PADI2: variants seen among roughly 807,000 people sequenced by gnomAD.
PADI2 encodes peptidyl arginine deiminase 2, also known as protein-arginine deiminase type-2.
A neutral mutation model predicts 81.1 loss-of-function variants in PADI2; 70 were observed. The ratio of observed to expected loss-of-function variants is 0.86; its 90% confidence interval spans 0.71 to 1.05. PADI2 has a LOEUF of 1.05. Among genes scored for constraint, PADI2 ranks in the 50% least tolerant of loss-of-function variants. PADI2 has a pLI of 0.00. For synonymous variants in PADI2, 338 were observed against 358.0 expected (o/e 0.94, Z 0.63); for missense variants, 853 against 889.9 (o/e 0.96, Z 0.53).
chr1:17,117,121 G>A lies in PADI2; in HGVS notation c.92+2159C>T, dbSNP rs184897136. 3.9e-4 allele frequency among the ~76,000 whole-genome samples: 59 copies of A among 152,318 alleles called. No homozygotes were observed. The East Asian group carries it at 0.011, about 28-fold the overall frequency. ...TCGAGCCCAAAATGCAATAGTGCGAGATTGAGAAACTCTGCACTAGACCTG... is the reference window on the plus strand; with the variant it reads ...TCGAGCCCAAAATGCAATAGTGCGAAATTGAGAAACTCTGCACTAGACCTG... On this transcript the variant is annotated intron_variant, in intron 1 of 15. Transcript: ENST00000375486.
chr1:17,092,097 T>C (rs1429454626), intron 6 of PADI2, among the ~76,000 whole-genome samples: 6 of 152,122 alleles, frequency 3.9e-5, no homozygotes, highest in African/African-American at 1.4e-4. Context: ...CTGCCCTGCC[T>C]CAGGTATCCT....
Position 17,086,652 on chromosome 1 carries a change from G to T in PADI2, c.703C>A (p.Leu235Ile). 1 of 1,614,156 alleles carries T rather than the reference G, an allele frequency of 6.2e-7. No homozygotes were observed. Among genetic ancestry groups the T allele is most frequent in the Non-Finnish European group, 8.5e-7 (1 of 1,180,020 alleles). The change falls in exon 7 of 16, where the codon CTC becomes ATC. Residue 235 changes from leucine to isoleucine, a missense_variant. Leu to Ile is a conservative substitution (Grantham distance 5). Transcript: ENST00000375486. ...RYIHILGRRK[L>I]YHVVKYTGGS... is the part of the protein sequence containing the mutation. Reference sequence around the variant, plus strand: ...CCCGTGTACTTGACCACATGGTAGAGCTTCCGCCGGCCCAGGATGTGGATA... The same window carrying T: ...CCCGTGTACTTGACCACATGGTAGATCTTCCGCCGGCCCAGGATGTGGATA...
At chr1:17,108,520 G>T (rs897827153) in intron 1 of PADI2, among the ~76,000 whole-genome samples, 1 of 152,018 alleles carries the variant, frequency 6.6e-6, no homozygotes, top group African/African-American at 2.4e-5. Flanking sequence ...AGTCCCCTGA[G>T]GGCATGGTCC....
chr1:17,095,486 G>A (rs1484491776), intron 4 of PADI2, among the ~76,000 whole-genome samples: 6 of 151,872 alleles, frequency 4.0e-5, no homozygotes, highest in African/African-American at 1.5e-4. Flanking sequence ...AGAGGAGAGG[G>A]GCCGTGCATG....
At chr1:17,083,426 T>C (rs980971443) in intron 9 of PADI2, 1 of 357,396 alleles carries the variant, frequency 2.8e-6, no homozygotes, top group African/African-American at 2.1e-5. Flanking sequence ...AAGCACATCC[T>C]GTATCCATAT....
At chr1:17,097,990 G>A (rs934938625) in intron 3 of PADI2, among the ~76,000 whole-genome samples, 3 of 152,134 alleles carry the variant, frequency 2.0e-5, no homozygotes, top group African/African-American at 7.2e-5. Flanking sequence ...GCTGCACAGC[G>A]TTTTCCAAGG....
rs776088354 is a variant in PADI2 at position 17,069,152 on chromosome 1, G to T, written c.1890C>A (p.Thr630=). The T allele has an allele frequency of 3.1e-6, 5 of 1,614,230 alleles. No homozygotes were observed. The Admixed American group carries it at 8.3e-5, about 27-fold the overall frequency. ...GGTAGGCAGAAATGTCGTCGATGAA[G>T]GTGCATTCGAGGCCCAGGGGCTCCA... The part of the protein sequence containing the change: ...GLLEPLGLEC[T]FIDDISAYHK... Residue 630 remains threonine, a synonymous_variant, in exon 16 of 16, where the codon ACC becomes ACA. Transcript: ENST00000375486.
chr1:17,105,148 T>A, intron 1 of PADI2, 87 bp from the exon 2 acceptor site: 1 of 966,790 alleles, frequency 1.0e-6, no homozygotes, highest in Non-Finnish European at 1.5e-6. Flanking sequence ...CTTCCAGCAC[T>A]TTGGGAGGTC....
intron 1 of PADI2, among the ~76,000 whole-genome samples, chr1:17,118,427 G>T (rs928641736): frequency 6.6e-6 from 1 of 152,052 alleles, no homozygotes; most frequent in African/African-American, 2.4e-5. Flanking sequence ...CCTTTCCAAG[G>T]CCCCGTCCCA....
intron 11 of PADI2, 114 bp downstream of exon 11, chr1:17,079,150 G>A: frequency 1.2e-6 from 1 of 824,856 alleles, no homozygotes. Context: ...AGTCGTGGGA[G>A]GGAATAATTC....
chr1:17,068,638 T>C lies in PADI2; in HGVS notation c.*406A>G, dbSNP rs1242399595. ...GGTCCTGGGGTCCCTTTCCATGGAT[T>C]CTACCTTGATTTTCAGAGCATGGCT... On this transcript the variant is annotated 3_prime_UTR_variant, in exon 16 of 16. Coordinates refer to ENST00000375486, the MANE Select transcript of PADI2 (RefSeq NM_007365.3). 5 of 207,290 alleles carry C rather than the reference T, an allele frequency of 2.4e-5. No individual in the cohort carries two copies. Among genetic ancestry groups the C allele is most frequent in the Non-Finnish European group, 4.0e-5 (4 of 100,690 alleles). 12.8% of individuals were successfully genotyped at this position (207,290 alleles called of 1,614,324 possible). A position where few individuals can be genotyped will look rare whatever the true frequency, so the allele number is the denominator to read the frequency against.
At chr1:17,097,108 C>G (rs1246163724) in intron 3 of PADI2, among the ~76,000 whole-genome samples, 1 of 152,182 alleles carries the variant, frequency 6.6e-6, no homozygotes, top group African/African-American at 2.4e-5. Flanking sequence ...ACACACATGA[C>G]ATGTGCCCGT....
chr1:17,119,435 G>A lies in PADI2; in HGVS notation c.-64C>T, dbSNP rs1931870333. 7 of 1,235,492 alleles carry A rather than the reference G, an allele frequency of 5.7e-6. No individual in the cohort carries two copies. The highest frequency in any genetic ancestry group is 2.8e-5 in the South Asian group (2 of 70,614). 76.5% of individuals were successfully genotyped at this position (1,235,492 alleles called of 1,614,324 possible). The stretch of plus-strand genomic sequence containing the variant: ...GGCCGGGAGCACCTGCAGCAGGTGC[G>A]CCTTCTCCAGCAGCCTGCGCCCCAC... On this transcript the variant is annotated 5_prime_UTR_variant, in exon 1 of 16. Transcript: ENST00000375486. The surrounding 1 kb of genome is among the most constrained non-coding windows in gnomAD (Gnocchi z 4.8).
chr1:17,069,907 T>C (rs1468969593), intron 15 of PADI2, among the ~76,000 whole-genome samples, 181 bp downstream of exon 15: 5 of 152,272 alleles, frequency 3.3e-5, no homozygotes, highest in Non-Finnish European at 7.4e-5. Context: ...AGGATGAGCA[T>C]ATCACTCCTA....
chr1:17,111,699 C>T lies in PADI2; in HGVS notation c.93-6638G>A, dbSNP rs148946507. ...CCCAGCCCCTGAGTTTCTGATCTAT[C>T]GACTGTGGGGTGGGACCTGAGAAAC... On this transcript the variant is annotated intron_variant, in intron 1 of 15. Coordinates refer to ENST00000375486, the MANE Select transcript of PADI2 (RefSeq NM_007365.3). Among the ~76,000 whole-genome samples the T allele has an allele frequency of 5.8e-3, 889 of 152,284 alleles. 12 individuals carry two copies. Among genetic ancestry groups the T allele is most frequent in the African/African-American group, 0.019 (778 of 41,550 alleles).
At chr1:17,076,873 G>T (rs1024631836) in intron 11 of PADI2, among the ~76,000 whole-genome samples, 1 of 151,568 alleles carries the variant, frequency 6.6e-6, no homozygotes, top group African/African-American at 2.4e-5. Context: ...CACCGCTCCC[G>T]GCCAGCCCTT....
At chr1:17,089,735 T>C (rs892482125) in intron 6 of PADI2, among the ~76,000 whole-genome samples, 2 of 152,216 alleles carry the variant, frequency 1.3e-5, no homozygotes, top group African/African-American at 4.8e-5. Flanking sequence ...CCTGGCTCGG[T>C]GCAAACCCCA....
Position 17,068,826 on chromosome 1 carries a change from TTTTC to T in PADI2, c.*214_*217del. 1.7e-6 allele frequency: 1 copy of T among 586,356 alleles called. No homozygotes were observed. Among genetic ancestry groups the T allele is most frequent in the Non-Finnish European group, 3.0e-6 (1 of 328,426 alleles). 36.3% of individuals were successfully genotyped at this position (586,356 alleles called of 1,614,324 possible). ...GGCTACAGAGACACTGGCCCAGCTATTTTCAGCAGGGACAGAGTCGAGGCTCACT... is the reference window on the plus strand; with the variant it reads ...GGCTACAGAGACACTGGCCCAGCTATAGCAGGGACAGAGTCGAGGCTCACT... On this transcript the variant is annotated 3_prime_UTR_variant, in exon 16 of 16. Transcript: ENST00000375486.
At chr1:17,085,344 G>A (rs1021413709) in intron 7 of PADI2, among the ~76,000 whole-genome samples, 9 of 152,178 alleles carry the variant, frequency 5.9e-5, no homozygotes, top group Admixed American at 3.3e-4. Context: ...GGGGAGGTGC[G>A]GGGGTGGTGG....
Sources: allele counts gnomAD v4.1 joint callset (sites outside exome capture counted in the v4.1 genomes callset), GRCh38; gene constraint gnomAD v4.1.1; non-coding constraint Gnocchi (gnomAD v3.1); transcripts MANE v1.5; gene names NCBI Gene and HGNC (gene_info 2026-07-23, HGNC 2026-07-21).